The following PTCH1 variants were observed in gnomAD, a reference collection of about 807,000 sequenced individuals.
PTCH1 encodes the protein protein patched homolog 1.
Under a neutral mutation model 144.6 loss-of-function variants are expected in PTCH1, and 14 were observed. The ratio of observed to expected loss-of-function variants is 0.10; its 90% confidence interval spans 0.06 to 0.15. The LOEUF (loss-of-function observed/expected upper bound fraction) is 0.15. Ranked by LOEUF, PTCH1 falls within the 10% of genes least tolerant of loss-of-function variation. PTCH1 has a pLI of 1.00. For missense variants in PTCH1, 1,623 were observed against 1,948.3 expected, an observed-to-expected ratio of 0.83 and a Z score of 3.14; for synonymous variants, 833 against 793.6, an observed-to-expected ratio of 1.05 and a Z score of -0.83.
chr9:95,454,818 A>G (rs1230861095), intron 19 of PTCH1, among the ~76,000 whole-genome samples: 1 of 152,232 alleles, frequency 6.6e-6, no homozygotes, highest in East Asian at 1.9e-4. Flanking sequence ...TCTAAATGCA[A>G]TTTCACATAG....
chr9:95,513,798 C>T (rs570773416), upstream of PTCH1, among the ~76,000 whole-genome samples: 46 of 151,974 alleles, frequency 3.0e-4, no homozygotes, highest in Non-Finnish European at 5.2e-4. Flanking sequence ...TCCCTTCCAC[C>T]TTCTGTTTCC....
intron 2 of PTCH1, among the ~76,000 whole-genome samples, chr9:95,491,735 G>A (rs1842422629): frequency 6.6e-6 from 1 of 152,178 alleles, no homozygotes; most frequent in East Asian, 1.9e-4. Flanking sequence ...ACACTAGACA[G>A]GTTGAGCATC....
At chr9:95,462,956 G>A (rs982265373) in intron 15 of PTCH1, among the ~76,000 whole-genome samples, 13 of 152,296 alleles carry the variant, frequency 8.5e-5, no homozygotes, top group Admixed American at 5.2e-4. Flanking sequence ...TAGGGTCTGA[G>A]CGCTGGCTGG....
chr9:95,449,089 G>C lies in PTCH1; in HGVS notation c.3784C>G (p.Pro1262Ala), dbSNP rs970679518. ...HQVIVEATEN[P>A]VFAHSTVVHP... ...CTTACAGTGGAGTGGGCGAAGACGG[G>C]GTTTTCTGTGGCTTCCACGATCACT... is the stretch of plus-strand genomic sequence containing the variant. Residue 1262 changes from proline to alanine, a missense_variant, in exon 22 of 24, where the codon CCC (proline) becomes GCC (alanine). Pro to Ala is a conservative substitution (Grantham distance 27, BLOSUM62 -1). Transcript: ENST00000331920. This position sits in a 1 kb window ranked among gnomAD's most constrained non-coding sequence, Gnocchi z 5.3. 1.2e-6 allele frequency: 2 copies of C among 1,614,238 alleles called. No homozygotes were observed.
chr9:95,476,226 T>A lies in PTCH1; in HGVS notation c.1603-67A>T. The A allele has an allele frequency of 6.4e-7, 1 of 1,573,944 alleles. No homozygotes were observed. The highest frequency in any genetic ancestry group is 8.6e-7 in the Non-Finnish European group (1 of 1,162,718). ...TGGTCCCCTTGGAGCACAGACTGTG[T>A]GAGCAGATACGTGGCAGAATAACAC... On this transcript the variant is annotated intron_variant, in intron 11 of 23. Coordinates refer to ENST00000331920, the MANE Select transcript of PTCH1 (RefSeq NM_000264.5). This position sits in a 1 kb window ranked among gnomAD's most constrained non-coding sequence, Gnocchi z 4.6.
intron 12 of PTCH1, among the ~76,000 whole-genome samples, chr9:95,475,439 T>C (rs896182976): frequency 5.9e-5 from 9 of 151,670 alleles, no homozygotes; most frequent in African/African-American, 1.9e-4. Context: ...ACAGGAAAGA[T>C]TGTGGCGGCC....
At chr9:95,499,585 T>C (rs1466279571) in intron 2 of PTCH1, among the ~76,000 whole-genome samples, 3 of 151,682 alleles carry the variant, frequency 2.0e-5, no homozygotes, top group Non-Finnish European at 4.4e-5. Context: ...AGTATTATAA[T>C]AGGATGACAC....
Position 95,506,493 on chromosome 9 carries a change from A to G in PTCH1, c.308T>C (p.Val103Ala). The G allele has an allele frequency of 3.1e-6, 5 of 1,613,676 alleles. No individual in the cohort carries two copies. Among genetic ancestry groups the G allele is most frequent in the Non-Finnish European group, 3.4e-6 (4 of 1,179,796 alleles). The change falls in exon 2 of 24, where the codon GTT becomes GCT. Residue 103 changes from valine (V) to alanine (A), a missense_variant. Physicochemically the swap from Val to Ala is moderately conservative, Grantham distance 64. Around this residue, in one of 7 missense-constraint regions of PTCH1, gnomAD observed 245 missense variants for 240.6 expected, o/e 1.02. Transcript: ENST00000331920. ...GGCCCCAAATATGAGGAGGCCCACAACCAAGAACTTGCCGCAGTTTTTTTG... is the reference window on the plus strand; with the variant it reads ...GGCCCCAAATATGAGGAGGCCCACAGCCAAGAACTTGCCGCAGTTTTTTTG... ...YIQKNCGKFL[V>A]VGLLIFGAFA...
intron 9 of PTCH1, among the ~76,000 whole-genome samples, 169 bp downstream of exon 9, chr9:95,477,885 GA>G (rs1230689585): frequency 2.0e-5 from 3 of 152,210 alleles, no homozygotes; most frequent in African/African-American, 7.2e-5. Context: ...CGGCAAATGG[GA>G]AAAATGCTTT....
chr9:95,510,040 A>G (rs908077074), upstream of PTCH1, among the ~76,000 whole-genome samples: 1 of 150,702 alleles, frequency 6.6e-6, no homozygotes, highest in African/African-American at 2.4e-5. Flanking sequence ...TGAAGGAGTC[A>G]GTGTTCTATA....
In PTCH1 at chr9:95,467,216, G is replaced by A. The variant is rs766227557; in HGVS notation, c.2460C>T (p.Tyr820=). Reference sequence around the variant, plus strand: ...CGTTACTGAAACTCCTGTGTAGGTCGTAAAGTAAGTGCTGGATATTCGGGT... The same window carrying A: ...CGTTACTGAAACTCCTGTGTAGGTCATAAAGTAAGTGCTGGATATTCGGGT... ...ADYPNIQHLL[Y]DLHRSFSNVK... Residue 820 remains tyrosine, a synonymous_variant, in exon 15 of 24, where the codon TAC becomes TAT. Coordinates refer to ENST00000331920, the MANE Select transcript of PTCH1 (RefSeq NM_000264.5). 27 of 1,611,124 alleles carry A rather than the reference G, an allele frequency of 1.7e-5. No homozygotes were observed. Among genetic ancestry groups the A allele is most frequent in the South Asian group, 1.6e-4 (15 of 90,928 alleles).
In PTCH1 at chr9:95,516,898, C is replaced by G. The variant is rs1844393204; in HGVS notation, c.-427G>C. 1.6e-5 allele frequency: 20 copies of G among 1,266,536 alleles called. 1 individual carries two copies. In the South Asian group the frequency reaches 2.8e-4, roughly 18 times the overall value. The allele number at this position is 1,266,536 out of a possible 1,614,324, so 78.5% of individuals were successfully genotyped here. On this transcript the variant is annotated 5_prime_UTR_variant, in exon 1 of 23. Coordinates refer to the PTCH1 transcript ENST00000430669. ...CGTGACGGATCCGAAAACTTTACCC[C>G]TTTACAATAAACTCAAGGAAAGCAA... is the stretch of plus-strand genomic sequence containing the variant.
At position 95,449,823 on chromosome 9, in the gene PTCH1, C is replaced by T. The variant is rs1336042360; in HGVS notation, c.3549+18G>A. ...TTCAGCCGGCCTACACGTGGGACAT[C>T]CCCGTGTCACTACTGACCTCAGGAT... On this transcript the variant is annotated intron_variant, in intron 21 of 23. Coordinates refer to ENST00000331920, the MANE Select transcript of PTCH1 (RefSeq NM_000264.5). This position sits in a 1 kb window ranked among gnomAD's most constrained non-coding sequence, Gnocchi z 5.3. 6.3e-7 allele frequency: 1 copy of T among 1,598,418 alleles called. No homozygotes were observed. The highest frequency in any genetic ancestry group is 8.6e-7 in the Non-Finnish European group (1 of 1,165,910).
intron 18 of PTCH1, among the ~76,000 whole-genome samples, chr9:95,457,028 A>T (rs1046968501): frequency 6.6e-6 from 1 of 152,186 alleles, no homozygotes; most frequent in African/African-American, 2.4e-5. Flanking sequence ...TGCACTTTGA[A>T]GAGCTGGGGA....
intron 2 of PTCH1, among the ~76,000 whole-genome samples, chr9:95,487,471 C>T (rs1842058790): frequency 6.6e-6 from 1 of 152,158 alleles, no homozygotes; most frequent in Non-Finnish European, 1.5e-5. Context: ...TTCTGCAAGC[C>T]CTGGGAAAGC....
chr9:95,477,136 C>A (rs1027757176), intron 10 of PTCH1, among the ~76,000 whole-genome samples: 1 of 152,182 alleles, frequency 6.6e-6, no homozygotes, highest in East Asian at 1.9e-4. Flanking sequence ...AGAGTGTGGC[C>A]CATGGACCAG....
intron 18 of PTCH1, among the ~76,000 whole-genome samples, chr9:95,457,387 T>C (rs558492725): frequency 4.1e-4 from 62 of 152,298 alleles, no homozygotes; most frequent in African/African-American, 1.4e-3. Context: ...ACACAAAATC[T>C]GGCCTTTGTT....
chr9:95,453,155 C>A, intron 20 of PTCH1: 1 of 359,656 alleles, frequency 2.8e-6, no homozygotes, highest in Non-Finnish European at 5.4e-6. Context: ...TTTTTTGAGA[C>A]AGAATCTCGC....
chr9:95,466,874 G>A (rs1651644801), intron 15 of PTCH1, among the ~76,000 whole-genome samples: 1 of 152,164 alleles, frequency 6.6e-6, no homozygotes, highest in African/African-American at 2.4e-5. Context: ...TTTTCCTGAC[G>A]TGCACTTGTA....
Sources: gnomAD v4.1 joint callset for allele counts (sites outside exome capture counted in the v4.1 genomes callset) on GRCh38, gnomAD v4.1.1 for gene constraint, gnomAD v4.1.1 regional missense constraint, Gnocchi (gnomAD v3.1) non-coding constraint, MANE v1.5 for transcripts, NCBI Gene and HGNC (gene_info 2026-07-23, HGNC 2026-07-21) for gene names.